PTH2R: variants seen among roughly 807,000 people sequenced by gnomAD.
PTH2R encodes PTH2 receptor.
Under a neutral mutation model 60.3 loss-of-function variants are expected in PTH2R, and 59 were observed. The ratio of observed to expected loss-of-function variants is 0.98; its 90% CI spans 0.79 to 1.22. The LOEUF is 1.22. Ranked by LOEUF, PTH2R falls within the 50% of genes most tolerant of loss-of-function variation. The pLI is 0.00. For synonymous variants in PTH2R, 256 were observed against 243.8 expected (o/e 1.05, Z -0.47); for missense variants, 749 against 682.6 (o/e 1.10, Z -1.08).
chr2:208,437,501 CT>C, intron 2 of PTH2R, 35 bp from the exon 3 acceptor site: 2 of 1,532,496 alleles, frequency 1.3e-6, no homozygotes, highest in Non-Finnish European at 1.8e-6. Flanking sequence ...CTACATTTTT[CT>C]TTGTTTATTT....
chr2:208,431,450 G>T (rs756057421), intron 2 of PTH2R, among the ~76,000 whole-genome samples: 12 of 152,144 alleles, frequency 7.9e-5, no homozygotes, highest in Non-Finnish European at 1.5e-4. Flanking sequence ...TGAGGTTCTT[G>T]TTTAAAGAAC....
chr2:208,487,511 C>G (rs1478351901), intron 10 of PTH2R, among the ~76,000 whole-genome samples: 1 of 152,160 alleles, frequency 6.6e-6, no homozygotes, highest in East Asian at 1.9e-4. Flanking sequence ...AAAGTATAAC[C>G]TCACCCACTC....
At chr2:208,465,794 G>T (rs1384356491) in intron 9 of PTH2R, among the ~76,000 whole-genome samples, 1 of 152,116 alleles carries the variant, frequency 6.6e-6, no homozygotes. Flanking sequence ...GTACTTGCAT[G>T]TAGGATTTCT....
chr2:208,444,145 G>A (rs558484266), intron 6 of PTH2R, among the ~76,000 whole-genome samples: 1 of 152,240 alleles, frequency 6.6e-6, no homozygotes, highest in East Asian at 1.9e-4. Context: ...TTCTGATTCT[G>A]GGCTGGCACT....
intron 10 of PTH2R, among the ~76,000 whole-genome samples, chr2:208,487,694 T>A (rs1054664352): frequency 6.6e-6 from 1 of 152,190 alleles, no homozygotes; most frequent in Non-Finnish European, 1.5e-5. Flanking sequence ...CAGGCTGCAA[T>A]TGATTTGTCA....
intron 1 of PTH2R, among the ~76,000 whole-genome samples, chr2:208,425,286 A>G (rs1213736093): frequency 6.6e-6 from 1 of 152,134 alleles, no homozygotes; most frequent in Non-Finnish European, 1.5e-5. Context: ...GGTGGGGCTC[A>G]GAGACTGGAC....
In PTH2R at chr2:208,423,808, T is replaced by C. The variant is rs114788037; in HGVS notation, c.76-4393T>C. On this transcript the variant is annotated intron_variant, in intron 1 of 12. Transcript: ENST00000272847. ...ATACGCATTTTTGAGGGCCATGTTTTCTTGATGGAGTGACCCTTGTATTAT... is the reference window on the plus strand; with the variant it reads ...ATACGCATTTTTGAGGGCCATGTTTCCTTGATGGAGTGACCCTTGTATTAT... Among the ~76,000 whole-genome samples the C allele has an allele frequency of 4.9e-3, 748 of 152,344 alleles. 4 individuals are homozygous for C. The highest frequency in any genetic ancestry group is 0.017 in the African/African-American group (703 of 41,566).
intron 1 of PTH2R, among the ~76,000 whole-genome samples, chr2:208,421,563 T>C (rs1374528834): frequency 6.6e-6 from 1 of 152,204 alleles, no homozygotes; most frequent in Non-Finnish European, 1.5e-5. Context: ...ATAATGTTTA[T>C]TATAAGATTC....
rs764076507 is a variant in PTH2R, at chr2:208,489,038, T to G, written c.1103T>G (p.Leu368Arg). The change falls in exon 11 of 13, where the codon CTG (leucine) becomes CGG (arginine). Residue 368 changes from leucine to arginine, a missense_variant. Transcript: ENST00000272847. Reference protein sequence around the residue: ...YRKLAKSTLVLVLVFGVHYIV... With the variant: ...YRKLAKSTLVRVLVFGVHYIV... ...AAACTGGCCAAATCGACACTGGTCCTGGTCCTAGTCTTTGGAGTGCATTAC... is the reference window on the plus strand; with the variant it reads ...AAACTGGCCAAATCGACACTGGTCCGGGTCCTAGTCTTTGGAGTGCATTAC... The G allele has an allele frequency of 6.2e-7, 1 of 1,614,146 alleles. No individual in the cohort carries two copies. Among genetic ancestry groups the G allele is most frequent in the Non-Finnish European group, 8.5e-7 (1 of 1,180,012 alleles).
At chr2:208,374,680 T>C (rs1700761108) in intron 1 of PTH2R, among the ~76,000 whole-genome samples, 1 of 151,916 alleles carries the variant, frequency 6.6e-6, no homozygotes, top group Admixed American at 6.6e-5. Context: ...GTTTTGTATT[T>C]TTTTTAGTAG....
At chr2:208,446,051 A>T (rs1019156155) in intron 7 of PTH2R, among the ~76,000 whole-genome samples, 1 of 152,210 alleles carries the variant, frequency 6.6e-6, no homozygotes, top group Admixed American at 6.5e-5. Flanking sequence ...CCACATAATT[A>T]TTAGGAGTTG....
chr2:208,488,790 T>C (rs989071416), intron 10 of PTH2R, among the ~76,000 whole-genome samples: 2 of 152,148 alleles, frequency 1.3e-5, no homozygotes, highest in African/African-American at 4.8e-5. Flanking sequence ...GACAGGAGGA[T>C]TGCTTGAGCT....
chr2:208,448,012 T>G (rs1172334840), intron 7 of PTH2R, among the ~76,000 whole-genome samples: 1 of 152,188 alleles, frequency 6.6e-6, no homozygotes, highest in Middle Eastern at 3.2e-3. Context: ...AACTGTCAGA[T>G]GAAACACCAG....
At position 208,421,365 on chromosome 2, in the gene PTH2R, GGT is replaced by G. The variant is rs10567822; in HGVS notation, c.76-6815_76-6814del. Reference sequence around the variant, plus strand: ...GAAGCCAAGACATTTTCATATTGGGGGTGTGTGTGTGTGTGTGTGTGTAGTGT... The same window carrying G: ...GAAGCCAAGACATTTTCATATTGGGGGTGTGTGTGTGTGTGTGTGTAGTGT... On this transcript the variant is annotated intron_variant, in intron 1 of 12. Coordinates refer to ENST00000272847, the MANE Select transcript of PTH2R (RefSeq NM_005048.4). Among the ~76,000 whole-genome samples, 777 of 147,350 alleles carry G rather than the reference GGT, an allele frequency of 5.3e-3. 4 individuals carry two copies. Among genetic ancestry groups the G allele is most frequent in the African/African-American group, 0.017 (674 of 40,614 alleles).
chr2:208,482,745 T>C (rs2364126), intron 10 of PTH2R, among the ~76,000 whole-genome samples: 2 of 151,994 alleles, frequency 1.3e-5, no homozygotes, highest in African/African-American at 4.8e-5. Flanking sequence ...AAAGAGGCCT[T>C]GAAGAGCTGT....
rs1574922647 is a variant in PTH2R, at chr2:208,493,744, C to A, written c.*85C>A. ...TGGCTGATACTCCTATGCTTGAGTT[C>A]AAAGGCTGAAAATTCAGTTAAGGTG... On this transcript the variant is annotated 3_prime_UTR_variant, in exon 13 of 13. Transcript: ENST00000272847. 1 of 1,402,186 alleles carries A rather than the reference C, an allele frequency of 7.1e-7. No individual in the cohort carries two copies. The highest frequency in any genetic ancestry group is 2.4e-5 in the East Asian group (1 of 40,980). 86.9% of individuals were successfully genotyped at this position (1,402,186 alleles called of 1,614,324 possible).
At position 208,406,961 on chromosome 2, in the gene PTH2R, C is replaced by T; in HGVS notation, c.-83C>T. 2.4e-6 allele frequency: 3 copies of T among 1,229,592 alleles called. No individual in the cohort carries two copies. Among genetic ancestry groups the T allele is most frequent in the Non-Finnish European group, 3.2e-6 (3 of 934,586 alleles). 76.2% of individuals were successfully genotyped at this position (1,229,592 alleles called of 1,614,324 possible). ...CGTCGTTACTGGCCACAAGTTTGCT[C>T]TGGGCCAGCCAAGTTGGCAACTTGG... On this transcript the variant is annotated 5_prime_UTR_variant, in exon 1 of 13. Coordinates refer to ENST00000272847, the MANE Select transcript of PTH2R (RefSeq NM_005048.4).
intron 2 of PTH2R, among the ~76,000 whole-genome samples, chr2:208,435,589 G>T (rs1162892748): frequency 6.6e-6 from 1 of 152,220 alleles, no homozygotes; most frequent in Non-Finnish European, 1.5e-5. Flanking sequence ...GGGCCAAGCA[G>T]CTTCTGGAAG....
chr2:208,380,743 A>T (rs1700898148), intron 1 of PTH2R, among the ~76,000 whole-genome samples: 1 of 152,068 alleles, frequency 6.6e-6, no homozygotes. Flanking sequence ...TCTGTCCTTG[A>T]GCACTAGCTT....
Sources: gnomAD v4.1 joint callset for allele counts (sites outside exome capture counted in the v4.1 genomes callset) on GRCh38, gnomAD v4.1.1 for gene constraint, MANE v1.5 for transcripts, NCBI Gene and HGNC (gene_info 2026-07-23, HGNC 2026-07-21) for gene names.